TNIP3: variants seen among roughly 807,000 people sequenced by gnomAD.
TNIP3 encodes TNFAIP3 interacting protein 3.
In TNIP3, 34 loss-of-function variants were observed where a neutral mutation model predicts 54.1. The observed-to-expected ratio is 0.63, with a 90% CI of 0.48 to 0.84. The LOEUF is 0.84. Ranked by LOEUF, TNIP3 falls within the 40% of genes least tolerant of loss-of-function variation. The pLI, the probability that TNIP3 is intolerant of heterozygous loss-of-function variation, is 0.00. For synonymous variants in TNIP3, 134 were observed against 136.8 expected, an observed-to-expected ratio of 0.98 and a Z score of 0.14; for missense variants, 366 against 387.6, an observed-to-expected ratio of 0.94 and a Z score of 0.47.
intron 2 of TNIP3, among the ~76,000 whole-genome samples, chr4:121,212,113 T>C (rs967636073): frequency 2.6e-5 from 4 of 152,276 alleles, no homozygotes; most frequent in East Asian, 1.9e-4. Flanking sequence ...GATTTCTACA[T>C]TGAATCCAAG....
chr4:121,184,886 C>G (rs771189593), intron 2 of TNIP3, among the ~76,000 whole-genome samples: 1 of 152,134 alleles, frequency 6.6e-6, no homozygotes, highest in African/African-American at 2.4e-5. Context: ...TTTCCACAAA[C>G]CTGTGAGGAG....
intron 1 of TNIP3, among the ~76,000 whole-genome samples, chr4:121,221,921 T>C (rs1027316286): frequency 6.6e-6 from 1 of 152,184 alleles, no homozygotes; most frequent in South Asian, 2.1e-4. Flanking sequence ...TTCTTCTTCA[T>C]GCAAAACTGA....
intron 1 of TNIP3, among the ~76,000 whole-genome samples, chr4:121,224,429 G>A (rs1727175527): frequency 6.6e-6 from 1 of 151,984 alleles, no homozygotes; most frequent in South Asian, 2.1e-4. Context: ...CCTGAGCACT[G>A]GACTTCCGAT....
At position 121,132,471 on chromosome 4, in the gene TNIP3, C is replaced by G. The variant is rs993053488; in HGVS notation, c.*160G>C. On this transcript the variant is annotated 3_prime_UTR_variant, in exon 11 of 11. Transcript: ENST00000057513. The stretch of plus-strand genomic sequence containing the variant: ...TGATCAGGATCTTAGCTGTCAGAAG[C>G]CTTTTCCTGTATTCATACCAAAGGA... 3 of 600,176 alleles carry G rather than the reference C, an allele frequency of 5.0e-6. No homozygotes were observed. Among genetic ancestry groups the G allele is most frequent in the Admixed American group, 3.2e-5 (1 of 30,980 alleles). 37.2% of individuals were successfully genotyped at this position (600,176 alleles called of 1,614,324 possible).
intron 10 of TNIP3, among the ~76,000 whole-genome samples, chr4:121,133,938 A>G (rs556725358): frequency 6.5e-4 from 99 of 151,992 alleles, no homozygotes; most frequent in African/African-American, 2.1e-3. Flanking sequence ...TCCCCAGAGG[A>G]TTTGGAAGGA....
chr4:121,195,738 A>G (rs928922042), intron 2 of TNIP3, among the ~76,000 whole-genome samples: 2 of 152,238 alleles, frequency 1.3e-5, no homozygotes, highest in Non-Finnish European at 2.9e-5. Flanking sequence ...AATTCCTAAA[A>G]CTGGGTAAGT....
At chr4:121,212,219 T>C (rs1726512417) in intron 2 of TNIP3, among the ~76,000 whole-genome samples, 1 of 152,188 alleles carries the variant, frequency 6.6e-6, no homozygotes, top group Admixed American at 6.5e-5. Context: ...CCTCAAAATA[T>C]GGAAATCTGT....
intron 5 of TNIP3, among the ~76,000 whole-genome samples, chr4:121,153,726 G>A (rs1169576980): frequency 6.6e-6 from 1 of 152,126 alleles, no homozygotes; most frequent in Non-Finnish European, 1.5e-5. Context: ...CTGAACACCA[G>A]TTAACTACAA....
At chr4:121,218,085 A>C (rs1353384549), upstream of TNIP3, among the ~76,000 whole-genome samples, 2 of 152,240 alleles carry the variant, frequency 1.3e-5, no homozygotes, top group Non-Finnish European at 2.9e-5. Flanking sequence ...GGAAATTTTA[A>C]GTTTGAAATA....
chr4:121,151,256 G>C (rs554284843), intron 5 of TNIP3, among the ~76,000 whole-genome samples: 2 of 152,238 alleles, frequency 1.3e-5, no homozygotes, highest in South Asian at 4.1e-4. Context: ...ATTTGCTTCT[G>C]TATTTCTTTA....
At chr4:121,216,558 T>G in intron 1 of TNIP3, 1 of 1,527,274 alleles carries the variant, frequency 6.5e-7, no homozygotes, top group South Asian at 1.2e-5. Flanking sequence ...GGAAGTTAAC[T>G]ATGTCAGTCA....
At chr4:121,224,640 T>G (rs1016166194) in intron 1 of TNIP3, among the ~76,000 whole-genome samples, 1 of 152,224 alleles carries the variant, frequency 6.6e-6, no homozygotes, top group Non-Finnish European at 1.5e-5. Flanking sequence ...TACCTTAAAC[T>G]CTTTAAAGTT....
At position 121,131,442 on chromosome 4, in the gene TNIP3, G is replaced by A. The variant is rs1258274612; in HGVS notation, c.*1189C>T. 4 of 151,636 alleles carry A rather than the reference G, an allele frequency of 2.6e-5. No individual in the cohort carries two copies. Among genetic ancestry groups the A allele is most frequent in the African/African-American group, 9.7e-5 (4 of 41,266 alleles). 9.4% of individuals were successfully genotyped at this position (151,636 alleles called of 1,614,324 possible). On this transcript the variant is annotated 3_prime_UTR_variant, in exon 11 of 11. Transcript: ENST00000057513. ...ATTCCATTTTCATTTTAATTGGCTT[G>A]AGAAGTCAGAATTAAGTTTTTCATT...
chr4:121,132,565 A>G lies in TNIP3; in HGVS notation c.*66T>C. On this transcript the variant is annotated 3_prime_UTR_variant, in exon 11 of 11. Transcript: ENST00000057513. ...GTGGCAGAAACAAGCCTCAGTATAA[A>G]CAAAGAAGAGGGTCCTCAGCCACGC... 1 of 1,468,714 alleles carries G rather than the reference A, an allele frequency of 6.8e-7. No homozygotes were observed. Among genetic ancestry groups the G allele is most frequent in the Non-Finnish European group, 9.5e-7 (1 of 1,050,828 alleles). 91.0% of individuals were successfully genotyped at this position (1,468,714 alleles called of 1,614,324 possible). A position where few individuals can be genotyped will look rare whatever the true frequency, so the allele number is the denominator to read the frequency against.
At chr4:121,179,862 G>T (rs550109008) in intron 3 of TNIP3, among the ~76,000 whole-genome samples, 3 of 152,182 alleles carry the variant, frequency 2.0e-5, no homozygotes, top group African/African-American at 7.2e-5. Flanking sequence ...GAAATATATT[G>T]AATTCACTTC....
chr4:121,150,271 A>T (rs759333088), intron 5 of TNIP3, 52 bp from the exon 6 acceptor site: 68 of 1,137,506 alleles, frequency 6.0e-5, no homozygotes, highest in Non-Finnish European at 8.0e-5. Flanking sequence ...ACATGGAATG[A>T]ATTCTTTTAT....
At chr4:121,196,611 A>G (rs1725601419) in intron 2 of TNIP3, among the ~76,000 whole-genome samples, 1 of 152,060 alleles carries the variant, frequency 6.6e-6, no homozygotes, top group Non-Finnish European at 1.5e-5. Context: ...TACAGCTTTG[A>G]AGATGAAAAA....
At chr4:121,218,026 C>T (rs967532176), upstream of TNIP3, among the ~76,000 whole-genome samples, 2 of 152,208 alleles carry the variant, frequency 1.3e-5, no homozygotes, top group Non-Finnish European at 2.9e-5. Context: ...AACCATCTGA[C>T]TCCTAGTCAT....
At chr4:121,180,337 T>G (rs1179712402) in intron 3 of TNIP3, among the ~76,000 whole-genome samples, 1 of 151,998 alleles carries the variant, frequency 6.6e-6, no homozygotes, top group Non-Finnish European at 1.5e-5. Context: ...GAGGCGCAGC[T>G]TGCAGTGAGC....
Sources: gnomAD v4.1 joint callset for allele counts (sites outside exome capture counted in the v4.1 genomes callset) on GRCh38, gnomAD v4.1.1 for gene constraint, MANE v1.5 for transcripts, NCBI Gene and HGNC (gene_info 2026-07-23, HGNC 2026-07-21) for gene names.